The following LUZP2 variants were observed in gnomAD, a reference collection of about 807,000 sequenced individuals.
LUZP2 encodes the protein leucine zipper protein 2.
A neutral mutation model predicts 51.6 loss-of-function variants in LUZP2; 52 were observed. The observed-to-expected ratio is 1.01, with a 90% CI of 0.81 to 1.27. LUZP2 has a LOEUF of 1.27. Among genes scored for constraint, LUZP2 ranks in the 50% most tolerant of loss-of-function variants. The pLI, the probability that LUZP2 is intolerant of heterozygous loss-of-function variation, is 0.00. For missense variants in LUZP2, 436 were observed against 395.4 expected (o/e 1.10, Z -0.87); for synonymous variants, 154 against 137.3 (o/e 1.12, Z -0.85).
chr11:24,511,379 CTG>C lies in LUZP2; in HGVS notation c.62+14076_62+14077del, dbSNP rs200537261. Reference sequence around the variant, plus strand: ...TTTATGGTGATGTGAAAGCTGGTGTCTGTCGCTACAATTTTTTTAATTAATTA... The same window carrying C: ...TTTATGGTGATGTGAAAGCTGGTGTCTCGCTACAATTTTTTTAATTAATTA... On this transcript the variant is annotated intron_variant, in intron 1 of 11. Coordinates refer to ENST00000336930, the MANE Select transcript of LUZP2 (RefSeq NM_001009909.4). Among the ~76,000 whole-genome samples, 268 of 151,842 alleles carry C rather than the reference CTG, an allele frequency of 1.8e-3. 6 individuals carry two copies. In the East Asian group the frequency reaches 0.049, roughly 28 times the overall value.
chr11:24,510,593 C>T (rs1850278982), intron 1 of LUZP2, among the ~76,000 whole-genome samples: 1 of 152,158 alleles, frequency 6.6e-6, no homozygotes, highest in African/African-American at 2.4e-5. Context: ...GGGCAAACAG[C>T]TGCATTCTAA....
chr11:24,625,099 A>G (rs144283299), intron 1 of LUZP2, among the ~76,000 whole-genome samples: 48 of 152,284 alleles, frequency 3.2e-4, no homozygotes, highest in African/African-American at 1.1e-3. Context: ...AAAGACAAAT[A>G]CTGCATAACC....
intron 9 of LUZP2, among the ~76,000 whole-genome samples, chr11:25,026,665 G>T (rs1857500988): frequency 6.6e-6 from 1 of 151,966 alleles, no homozygotes; most frequent in South Asian, 2.1e-4. Flanking sequence ...ACTCTGGGTT[G>T]TAGTTCCCTC....
At chr11:24,992,392 C>T (rs536941100) in intron 9 of LUZP2, among the ~76,000 whole-genome samples, 1 of 151,966 alleles carries the variant, frequency 6.6e-6, no homozygotes, top group South Asian at 2.1e-4. Context: ...AACCATTTTA[C>T]CATGATTTTC....
intron 1 of LUZP2, among the ~76,000 whole-genome samples, chr11:24,529,030 T>C (rs12281776): frequency 0.13 from 19,370 of 150,946 alleles, 1,699 homozygotes; most frequent in African/African-American, 0.23. Context: ...ATCCTCTGTC[T>C]CACCCCTTCA....
chr11:24,629,822 G>A (rs1471286042), intron 1 of LUZP2, among the ~76,000 whole-genome samples: 3 of 151,834 alleles, frequency 2.0e-5, no homozygotes, highest in African/African-American at 4.8e-5. Flanking sequence ...TAGTGTATAA[G>A]TGTTCCCTTT....
At chr11:24,874,715 G>T (rs1417809506) in intron 5 of LUZP2, among the ~76,000 whole-genome samples, 1 of 152,124 alleles carries the variant, frequency 6.6e-6, no homozygotes, top group Non-Finnish European at 1.5e-5. Context: ...GGAGTGTGGG[G>T]CACTTGTTGA....
intron 1 of LUZP2, among the ~76,000 whole-genome samples, chr11:24,560,335 A>G (rs973379532): frequency 6.6e-6 from 1 of 152,204 alleles, no homozygotes; most frequent in Non-Finnish European, 1.5e-5. Context: ...CTTTTAAAAC[A>G]TATTGTATAA....
intron 9 of LUZP2, among the ~76,000 whole-genome samples, chr11:25,008,383 A>G (rs1023499425): frequency 6.6e-6 from 1 of 152,218 alleles, no homozygotes; most frequent in African/African-American, 2.4e-5. Flanking sequence ...GCCTGAGCCC[A>G]ACACCCACAG....
At chr11:24,527,565 TCTCACACACACA>T (rs1850847267) in intron 1 of LUZP2, among the ~76,000 whole-genome samples, 1 of 124,696 alleles carries the variant, frequency 8.0e-6, no homozygotes, top group African/African-American at 2.9e-5. Context: ...TCTCTCTCTC[TCTCACACACACA>T]CACACACACA....
chr11:24,627,397 G>A (rs1432569955), intron 1 of LUZP2, among the ~76,000 whole-genome samples: 1 of 152,154 alleles, frequency 6.6e-6, no homozygotes, highest in East Asian at 1.9e-4. Context: ...CACTGTTGTG[G>A]GGGACCAGGC....
chr11:24,971,003 G>T (rs570871438), intron 7 of LUZP2, among the ~76,000 whole-genome samples: 1 of 152,276 alleles, frequency 6.6e-6, no homozygotes, highest in African/African-American at 2.4e-5. Flanking sequence ...CAGCAACATG[G>T]ATGAAGATGG....
intron 9 of LUZP2, among the ~76,000 whole-genome samples, chr11:25,001,589 T>C (rs1048038207): frequency 2.6e-5 from 4 of 152,340 alleles, no homozygotes; most frequent in South Asian, 2.1e-4. Context: ...TGGAGTGTTA[T>C]AGGGTTACAG....
chr11:25,018,050 T>TTTGTTTTG (rs796583082), intron 9 of LUZP2, among the ~76,000 whole-genome samples: 23 of 2,264 alleles, frequency 0.01, no homozygotes, highest in Non-Finnish European at 0.012. Flanking sequence ...TTTTTTTTGT[T>TTTGTTTTG]TTTTTTTTTG....
intron 1 of LUZP2, among the ~76,000 whole-genome samples, chr11:24,722,997 G>A (rs772300338): frequency 6.6e-6 from 1 of 151,882 alleles, no homozygotes; most frequent in Non-Finnish European, 1.5e-5. Context: ...TCATAAAAGG[G>A]CTCATGTGTG....
chr11:24,533,371 C>A (rs1259215176), intron 1 of LUZP2, among the ~76,000 whole-genome samples: 1 of 151,224 alleles, frequency 6.6e-6, no homozygotes, highest in Non-Finnish European at 1.5e-5. Flanking sequence ...CCATTCAACT[C>A]CCTTTATGTT....
intron 8 of LUZP2, among the ~76,000 whole-genome samples, chr11:24,982,791 T>G (rs79748548): frequency 0.011 from 1,691 of 151,878 alleles, 39 homozygotes; most frequent in African/African-American, 0.038. Flanking sequence ...ATGGTAACTT[T>G]CAAAAAAGGA....
chr11:24,677,128 A>G (rs903349535), intron 1 of LUZP2, among the ~76,000 whole-genome samples: 1 of 151,952 alleles, frequency 6.6e-6, no homozygotes, highest in African/African-American at 2.4e-5. Context: ...TTTTTTGTCT[A>G]TTTCCACTTT....
intron 1 of LUZP2, among the ~76,000 whole-genome samples, chr11:24,549,371 G>A (rs1351499219): frequency 3.3e-5 from 5 of 152,068 alleles, no homozygotes; most frequent in East Asian, 3.9e-4. Flanking sequence ...CCTCTCCTAC[G>A]ATAACAATGC....
Sources: allele counts gnomAD v4.1 joint callset (sites outside exome capture counted in the v4.1 genomes callset), GRCh38; gene constraint gnomAD v4.1.1; transcripts MANE v1.5; gene names NCBI Gene and HGNC (gene_info 2026-07-23, HGNC 2026-07-21).